NELL1: variants seen among roughly 807,000 people sequenced by gnomAD.
NELL1 encodes the protein neural EGFL like 1, also known as protein kinase C-binding protein NELL1.
In NELL1, 76 loss-of-function variants were observed where a neutral mutation model predicts 107.4. The ratio of observed to expected loss-of-function variants is 0.71; its 90% CI spans 0.59 to 0.86. NELL1 has a LOEUF of 0.86. Among genes scored for constraint, NELL1 ranks in the 40% least tolerant of loss-of-function variants. NELL1 has a pLI of 0.00. For synonymous variants in NELL1, 353 were observed against 341.2 expected, an observed-to-expected ratio of 1.03 and a Z score of -0.38; for missense variants, 1,024 against 1,005.5, an observed-to-expected ratio of 1.02 and a Z score of -0.25.
chr11:20,880,523 C>T (rs72937252), intron 4 of NELL1, among the ~76,000 whole-genome samples: 3 of 152,264 alleles, frequency 2.0e-5, no homozygotes, highest in Non-Finnish European at 4.4e-5. Context: ...AACTGCGATA[C>T]GAACCCAAAC....
intron 12 of NELL1, among the ~76,000 whole-genome samples, chr11:21,012,468 T>C (rs1852469314): frequency 6.6e-6 from 1 of 152,112 alleles, no homozygotes; most frequent in African/African-American, 2.4e-5. Context: ...TAGGACAAGC[T>C]ATGATCCTTG....
intron 7 of NELL1, among the ~76,000 whole-genome samples, chr11:20,925,452 T>A (rs1850474460): frequency 6.6e-6 from 1 of 150,654 alleles, no homozygotes; most frequent in African/African-American, 2.4e-5. Context: ...TTTTTTTTTT[T>A]TTTTTGTATT....
chr11:20,797,565 C>CAAAAA (rs35016707), intron 3 of NELL1, among the ~76,000 whole-genome samples: 47 of 69,192 alleles, frequency 6.8e-4, no homozygotes, highest in African/African-American at 2.2e-3. Flanking sequence ...GACTCCATCT[C>CAAAAA]AAAAAAAAAA....
chr11:21,056,757 C>T (rs1462840174), intron 12 of NELL1, among the ~76,000 whole-genome samples: 1 of 151,994 alleles, frequency 6.6e-6, no homozygotes, highest in Non-Finnish European at 1.5e-5. Context: ...TGAAAACTTC[C>T]ATATTTGCCA....
chr11:20,918,778 T>A (rs1590414737), intron 6 of NELL1, among the ~76,000 whole-genome samples: 1 of 151,996 alleles, frequency 6.6e-6, no homozygotes, highest in South Asian at 2.1e-4. Context: ...AAGATGAGAT[T>A]TGAGTGGGGA....
chr11:20,801,520 G>A (rs1857281286), intron 3 of NELL1, among the ~76,000 whole-genome samples: 1 of 152,174 alleles, frequency 6.6e-6, no homozygotes, highest in South Asian at 2.1e-4. Context: ...CTCCCTTTAT[G>A]TGGGTTGTCT....
At chr11:21,321,990 A>G (rs1254182201) in intron 14 of NELL1, among the ~76,000 whole-genome samples, 1 of 152,196 alleles carries the variant, frequency 6.6e-6, no homozygotes, top group East Asian at 1.9e-4. Flanking sequence ...AGTCTCTGGG[A>G]AAGATAGGAG....
At chr11:21,215,741 A>C (rs1391051911) in intron 13 of NELL1, among the ~76,000 whole-genome samples, 1 of 152,170 alleles carries the variant, frequency 6.6e-6, no homozygotes, top group Non-Finnish European at 1.5e-5. Flanking sequence ...TGAACTTGAG[A>C]GAGATGATTT....
chr11:21,176,816 A>T (rs1425086667), intron 13 of NELL1, among the ~76,000 whole-genome samples: 1 of 151,712 alleles, frequency 6.6e-6, no homozygotes, highest in African/African-American at 2.4e-5. Context: ...ATGAAACTTC[A>T]TATCTATTAT....
chr11:20,999,918 G>A (rs931296578), intron 12 of NELL1, among the ~76,000 whole-genome samples: 4 of 152,096 alleles, frequency 2.6e-5, no homozygotes, highest in African/African-American at 4.8e-5. Context: ...AAAGGACATC[G>A]ATACTCCAGA....
intron 15 of NELL1, among the ~76,000 whole-genome samples, chr11:21,409,373 T>A (rs561377202): frequency 1.2e-3 from 182 of 152,064 alleles, no homozygotes; most frequent in Non-Finnish European, 2.2e-3. Context: ...TAGGTGGGAA[T>A]TGAACAATGA....
chr11:20,957,762 A>T (rs2134211053), intron 11 of NELL1, among the ~76,000 whole-genome samples: 1 of 152,182 alleles, frequency 6.6e-6, no homozygotes, highest in East Asian at 1.9e-4. Context: ...GTGAAATTAA[A>T]AATGATGTGG....
intron 13 of NELL1, among the ~76,000 whole-genome samples, chr11:21,211,742 T>C (rs1857501664): frequency 6.6e-6 from 1 of 152,116 alleles, no homozygotes; most frequent in African/African-American, 2.4e-5. Flanking sequence ...TGGTGATGGA[T>C]TGATTACAAG....
chr11:20,939,103 T>C (rs577399804), intron 10 of NELL1, among the ~76,000 whole-genome samples: 16 of 152,082 alleles, frequency 1.1e-4, no homozygotes, highest in Admixed American at 6.5e-4. Context: ...AAGGCAGTGA[T>C]AGTGAAGATG....
At chr11:21,311,041 C>T (rs1317687538) in intron 14 of NELL1, among the ~76,000 whole-genome samples, 3 of 152,038 alleles carry the variant, frequency 2.0e-5, no homozygotes, top group East Asian at 1.9e-4. Flanking sequence ...TTAATCTGTG[C>T]GTTTCAGTAA....
intron 2 of NELL1, among the ~76,000 whole-genome samples, chr11:20,764,794 TGA>T (rs1856495861): frequency 6.6e-6 from 1 of 151,808 alleles, no homozygotes; most frequent in African/African-American, 2.4e-5. Flanking sequence ...AAACTACACG[TGA>T]GAGTCAGGTA....
At chr11:21,468,437 T>G (rs1189777769) in intron 15 of NELL1, among the ~76,000 whole-genome samples, 1 of 152,084 alleles carries the variant, frequency 6.6e-6, no homozygotes, top group Non-Finnish European at 1.5e-5. Context: ...ATAGTATTAT[T>G]TTGAGCCAAT....
At chr11:20,819,833 G>T (rs1036066184) in intron 3 of NELL1, among the ~76,000 whole-genome samples, 5 of 152,124 alleles carry the variant, frequency 3.3e-5, no homozygotes, top group African/African-American at 9.7e-5. Context: ...GCAACTCCAG[G>T]GGTTAAAAAT....
At chr11:21,194,222 G>A (rs1857103796) in intron 13 of NELL1, among the ~76,000 whole-genome samples, 1 of 149,372 alleles carries the variant, frequency 6.7e-6, no homozygotes, top group African/African-American at 2.6e-5. Flanking sequence ...AGACTCTCTA[G>A]CACCCATGCT....
Sources: gnomAD v4.1 joint callset for allele counts (sites outside exome capture counted in the v4.1 genomes callset) on GRCh38, gnomAD v4.1.1 for gene constraint, MANE v1.5 for transcripts, NCBI Gene and HGNC (gene_info 2026-07-23, HGNC 2026-07-21) for gene names.